The following GPBP1 variants were observed in gnomAD, a reference collection of about 807,000 sequenced individuals.
The protein encoded by GPBP1 is GC-rich promoter binding protein 1, also known as vasculin.
GPBP1 carries 13 observed loss-of-function variants against 56.5 expected under a neutral mutation model. The observed-to-expected ratio is 0.23, with a 90% CI of 0.15 to 0.37. GPBP1 has a LOEUF of 0.37. Among genes scored for constraint, GPBP1 ranks in the 10% least tolerant of loss-of-function variants. GPBP1 has a pLI of 1.00. For missense variants in GPBP1, 477 were observed against 572.3 expected, an observed-to-expected ratio of 0.83 and a Z score of 1.70; for synonymous variants, 204 against 188.9, an observed-to-expected ratio of 1.08 and a Z score of -0.66.
At chr5:57,252,858 C>T (rs919185986) in intron 10 of GPBP1, among the ~76,000 whole-genome samples, 8 of 152,060 alleles carry the variant, frequency 5.3e-5, no homozygotes, top group South Asian at 2.1e-4. Flanking sequence ...TACAGGCACA[C>T]GCCACCATGC....
Position 57,246,290 on chromosome 5 carries a change from A to C in GPBP1, c.479-10A>C. ...TGTGAGTGACTCTTGGTCATGCTTT[A>C]TTTATGCAGAATATCCTCCGAATCC... On this transcript the variant is annotated splice_polypyrimidine_tract_variant and intron_variant, in intron 6 of 11. Coordinates refer to ENST00000506184, the MANE Select transcript of GPBP1 (RefSeq NM_022913.4). 6.2e-7 allele frequency: 1 copy of C among 1,604,488 alleles called. No individual in the cohort carries two copies. The highest frequency in any genetic ancestry group is 8.5e-7 in the Non-Finnish European group (1 of 1,174,472).
chr5:57,183,765 A>ATTTTT (rs34608817), intron 2 of GPBP1, among the ~76,000 whole-genome samples: 15 of 133,280 alleles, frequency 1.1e-4, no homozygotes, highest in Non-Finnish European at 1.1e-4. Flanking sequence ...GGGGATATGA[A>ATTTTT]TTTTTTTTTT....
chr5:57,181,366 G>A (rs75701402), intron 2 of GPBP1, among the ~76,000 whole-genome samples: 2,055 of 151,692 alleles, frequency 0.014, 113 homozygotes, highest in East Asian at 0.096. Flanking sequence ...AGATGAGGCC[G>A]GATGCCTCGG....
chr5:57,231,010 TTA>T, intron 4 of GPBP1, 41 bp downstream of exon 4: 1 of 1,584,770 alleles, frequency 6.3e-7, no homozygotes, highest in African/African-American at 1.4e-5. Flanking sequence ...CTAATTTTCT[TTA>T]TGATTTTTAA....
At position 57,251,036 on chromosome 5, in the gene GPBP1, T is replaced by C. The variant is rs1741363279; in HGVS notation, c.1055T>C (p.Ile352Thr). ...DINRNFDENE[I>T]PQENGNASVI... is the part of the protein sequence containing the mutation. ...AACCGAAACTTCGATGAAAATGAAATTCCTCAAGAGAATGGCAATGCCTCA... is the reference window on the plus strand; with the variant it reads ...AACCGAAACTTCGATGAAAATGAAACTCCTCAAGAGAATGGCAATGCCTCA... Residue 352 changes from isoleucine to threonine, a missense_variant, in exon 10 of 12, where the codon ATT becomes ACT. Ile to Thr is a moderately conservative substitution (Grantham distance 89). Around this residue, in one of 2 missense-constraint regions of GPBP1, gnomAD observed 414 missense variants for 458.2 expected, o/e 0.90. Transcript: ENST00000506184. 1.2e-6 allele frequency: 2 copies of C among 1,613,088 alleles called. No homozygotes were observed. The highest frequency in any genetic ancestry group is 1.7e-6 in the Non-Finnish European group (2 of 1,179,590).
chr5:57,243,393 C>T (rs954964036), intron 6 of GPBP1, among the ~76,000 whole-genome samples: 1 of 151,964 alleles, frequency 6.6e-6, no homozygotes, highest in Non-Finnish European at 1.5e-5. Context: ...AGCACAATAA[C>T]GGTATATCCC....
intron 2 of GPBP1, among the ~76,000 whole-genome samples, chr5:57,177,587 C>T (rs1179887157): frequency 1.3e-5 from 2 of 150,320 alleles, no homozygotes; most frequent in African/African-American, 4.9e-5. Flanking sequence ...GATTCTCCTG[C>T]TTCAGCCTCC....
At chr5:57,190,336 G>A (rs1579982760) in intron 2 of GPBP1, among the ~76,000 whole-genome samples, 2 of 152,072 alleles carry the variant, frequency 1.3e-5, no homozygotes, top group African/African-American at 4.8e-5. Flanking sequence ...TGTAATCCCA[G>A]CACTTTGGGA....
intron 2 of GPBP1, among the ~76,000 whole-genome samples, chr5:57,184,869 G>A (rs1754216330): frequency 6.6e-6 from 1 of 152,220 alleles, no homozygotes; most frequent in African/African-American, 2.4e-5. Flanking sequence ...GAATTATACA[G>A]TGGATTAGCC....
chr5:57,228,557 T>A (rs1441443304), intron 3 of GPBP1, among the ~76,000 whole-genome samples: 1 of 141,560 alleles, frequency 7.1e-6, no homozygotes, highest in Non-Finnish European at 1.5e-5. Flanking sequence ...GGAGCATCAC[T>A]TGAGGCCAGG....
intron 4 of GPBP1, 44 bp downstream of exon 4, chr5:57,231,013 T>A: frequency 6.3e-7 from 1 of 1,582,888 alleles, no homozygotes; most frequent in Non-Finnish European, 8.6e-7. Context: ...ATTTTCTTTA[T>A]GATTTTTAAA....
intron 6 of GPBP1, among the ~76,000 whole-genome samples, chr5:57,241,370 A>T (rs1740817250): frequency 6.6e-6 from 1 of 152,244 alleles, no homozygotes; most frequent in South Asian, 2.1e-4. Flanking sequence ...ACTAATTCTT[A>T]CATTCATAGG....
chr5:57,178,292 G>C (rs183574513), intron 2 of GPBP1, among the ~76,000 whole-genome samples: 1 of 152,244 alleles, frequency 6.6e-6, no homozygotes, highest in East Asian at 1.9e-4. Context: ...CGCGTGCCCA[G>C]GCTAGAGTGC....
chr5:57,249,630 T>G (rs759022765), intron 9 of GPBP1, 54 bp downstream of exon 9: 4 of 1,448,778 alleles, frequency 2.8e-6, no homozygotes, highest in Non-Finnish European at 3.8e-6. Flanking sequence ...ATTGAAATAT[T>G]TGAGCATGTA....
Position 57,192,489 on chromosome 5 carries a change from C to T in GPBP1, c.-58+16089C>T, listed in dbSNP as rs904148208. On this transcript the variant is annotated intron_variant, in intron 2 of 11. Transcript: ENST00000506184. ...TAGGAGTTGGCTGGGCACGGTGGCT[C>T]ACGCCTGTAATCCCAGCACTTTGGG... is the stretch of plus-strand genomic sequence containing the variant. Among the ~76,000 whole-genome samples the T allele has an allele frequency of 9.2e-5, 14 of 152,088 alleles. 1 individual carries two copies. Among genetic ancestry groups the T allele is most frequent in the Admixed American group, 5.2e-4 (8 of 15,258 alleles).
chr5:57,174,395 T>C (rs533427952), intron 1 of GPBP1, among the ~76,000 whole-genome samples, 184 bp downstream of exon 1: 53 of 150,840 alleles, frequency 3.5e-4, no homozygotes, highest in Admixed American at 1.1e-3. Context: ...CCCCTCTAGG[T>C]ATTGACTCGG....
At chr5:57,236,099 GTTTTTT>G in intron 6 of GPBP1, 67 bp downstream of exon 6, 1 of 1,085,226 alleles carries the variant, frequency 9.2e-7, no homozygotes, top group Non-Finnish European at 1.4e-6. Flanking sequence ...CACTTTTTGT[GTTTTTT>G]AAAATAGAGA....
intron 3 of GPBP1, among the ~76,000 whole-genome samples, chr5:57,229,968 G>GTCCCA (rs928682604): frequency 2.6e-4 from 39 of 147,604 alleles, no homozygotes; most frequent in Middle Eastern, 3.5e-3. Flanking sequence ...GTCCCGTCCC[G>GTCCCA]TCCCTTCTCA....
At chr5:57,196,008 T>TAAAAAA (rs1561330293) in intron 2 of GPBP1, among the ~76,000 whole-genome samples, 70 of 53,940 alleles carry the variant, frequency 1.3e-3, no homozygotes, top group South Asian at 7.0e-3. Flanking sequence ...AAAAAAAAAT[T>TAAAAAA]TTTTTTTTTT....
Sources: gnomAD v4.1 joint callset for allele counts (sites outside exome capture counted in the v4.1 genomes callset) on GRCh38, gnomAD v4.1.1 for gene constraint, gnomAD v4.1.1 regional missense constraint, MANE v1.5 for transcripts, NCBI Gene and HGNC (gene_info 2026-07-23, HGNC 2026-07-21) for gene names.